The following CRK variants were observed in gnomAD, a reference collection of about 807,000 sequenced individuals.
CRK encodes the protein adapter molecule crk.
A neutral mutation model predicts 29.8 loss-of-function variants in CRK; 4 were observed. That is an observed-to-expected ratio of 0.13 (90% CI 0.07 to 0.31). The LOEUF is 0.31. Among genes scored for constraint, CRK ranks in the 10% least tolerant of loss-of-function variants. The pLI is 1.00. For synonymous variants in CRK, 153 were observed against 164.9 expected (o/e 0.93, Z 0.55); for missense variants, 274 against 396.5 (o/e 0.69, Z 2.62).
chr17:1,449,140 A>G (rs2073999174), intron 1 of CRK, among the ~76,000 whole-genome samples: 1 of 152,150 alleles, frequency 6.6e-6, no homozygotes, highest in Non-Finnish European at 1.5e-5. Flanking sequence ...CCACGCCTTC[A>G]AAATGAAGCA....
At chr17:1,426,977 A>G (rs1367103806) in intron 2 of CRK, among the ~76,000 whole-genome samples, 1 of 136,460 alleles carries the variant, frequency 7.3e-6, no homozygotes, top group Non-Finnish European at 1.5e-5. Context: ...GATTGCAGTG[A>G]GCCAAGATAG....
At chr17:1,449,225 A>C (rs1417058097) in intron 1 of CRK, among the ~76,000 whole-genome samples, 2 of 152,084 alleles carry the variant, frequency 1.3e-5, no homozygotes, top group African/African-American at 4.8e-5. Context: ...TCTTATTTCC[A>C]AGTGCTGGAC....
intron 1 of CRK, among the ~76,000 whole-genome samples, chr17:1,439,327 G>T (rs1186277544): frequency 6.6e-6 from 1 of 152,072 alleles, no homozygotes; most frequent in Admixed American, 6.6e-5. Flanking sequence ...TCGATCTCCT[G>T]ACCTAGTGAT....
chr17:1,428,106 TTTTC>T (rs1161887241), intron 2 of CRK, among the ~76,000 whole-genome samples: 3 of 150,100 alleles, frequency 2.0e-5, no homozygotes, highest in Admixed American at 1.3e-4. Flanking sequence ...CCTCCAGATC[TTTTC>T]TTTCAGACTT....
At chr17:1,436,532 T>A in intron 2 of CRK, 88 bp downstream of exon 2, 6 of 1,390,320 alleles carry the variant, frequency 4.3e-6, no homozygotes, top group Non-Finnish European at 5.8e-6. Flanking sequence ...ATCCCAATGC[T>A]GTAGTCAGCA....
chr17:1,444,100 T>C (rs1181090938), intron 1 of CRK, among the ~76,000 whole-genome samples: 2 of 151,842 alleles, frequency 1.3e-5, no homozygotes, highest in East Asian at 1.9e-4. Context: ...TCCCAAAGTG[T>C]TGGGATTATA....
Position 1,437,147 on chromosome 17 carries a change from G to A in CRK, c.250C>T (p.Pro84Ser). ...TGATCTCCTATTCGGAGTCTGGAGGGGCTCACCCCTGGAAAAAACAGAGCA... is the reference window on the plus strand; with the variant it reads ...TGATCTCCTATTCGGAGTCTGGAGGAGCTCACCCCTGGAAAAAACAGAGCA... Reference protein sequence around the residue: ...SPAQPPPGVSPSRLRIGDQEF... With the variant: ...SPAQPPPGVSSSRLRIGDQEF... Residue 84 changes from proline (P) to serine (S), a missense_variant, in exon 2 of 3, where the codon CCC becomes TCC. Pro to Ser is a moderately conservative substitution (Grantham distance 74, BLOSUM62 -1). Coordinates refer to ENST00000300574, the MANE Select transcript of CRK (RefSeq NM_016823.4). 1 of 1,598,768 alleles carries A rather than the reference G, an allele frequency of 6.3e-7. No homozygotes were observed.
rs532817278 is a variant in CRK, at chr17:1,450,755, G to A, written c.241+5122C>T. 4.0e-5 allele frequency among the ~76,000 whole-genome samples: 6 copies of A among 151,886 alleles called. 1 individual carries two copies. The highest frequency in any genetic ancestry group is 4.1e-4 in the South Asian group (2 of 4,822). ...AAAAAAATTGGCTGGGCATGGTGGCGCATGCCTGTAATCCCAGCTATTTGG... is the reference window on the plus strand; with the variant it reads ...AAAAAAATTGGCTGGGCATGGTGGCACATGCCTGTAATCCCAGCTATTTGG... On this transcript the variant is annotated intron_variant, in intron 1 of 2. Transcript: ENST00000300574.
chr17:1,423,237 G>A lies in CRK; in HGVS notation c.*276C>T, dbSNP rs1472971330. On this transcript the variant is annotated 3_prime_UTR_variant, in exon 3 of 3. Coordinates refer to ENST00000300574, the MANE Select transcript of CRK (RefSeq NM_016823.4). ...GTGATTTGCACTGCCTGAGAGAAAGGAGGCAAGATACCTATCCCTTCTGAT... is the reference window on the plus strand; with the variant it reads ...GTGATTTGCACTGCCTGAGAGAAAGAAGGCAAGATACCTATCCCTTCTGAT... 4.0e-6 allele frequency: 2 copies of A among 504,750 alleles called. No individual in the cohort carries two copies. Among genetic ancestry groups the A allele is most frequent in the Non-Finnish European group, 7.0e-6 (2 of 287,424 alleles). The allele number at this position is 504,750 out of a possible 1,614,324, so 31.3% of individuals were successfully genotyped here. A position where few individuals can be genotyped will look rare whatever the true frequency, so the allele number is the denominator to read the frequency against.
chr17:1,439,296 AC>A (rs1274656962), intron 1 of CRK, among the ~76,000 whole-genome samples: 1 of 151,932 alleles, frequency 6.6e-6, no homozygotes, highest in Non-Finnish European at 1.5e-5. Flanking sequence ...ACGGGGTTTT[AC>A]CGTGTTAGCC....
At chr17:1,445,869 G>C (rs1169964251) in intron 1 of CRK, among the ~76,000 whole-genome samples, 2 of 152,206 alleles carry the variant, frequency 1.3e-5, no homozygotes, top group Non-Finnish European at 2.9e-5. Context: ...ATGCCAAGGT[G>C]TTCTATTAGT....
chr17:1,454,378 G>A (rs986740371), intron 1 of CRK, among the ~76,000 whole-genome samples: 2 of 151,964 alleles, frequency 1.3e-5, no homozygotes, highest in East Asian at 1.9e-4. Context: ...TCGTCTCTAC[G>A]AAAAATACAA....
rs55649851 is a variant in CRK, at chr17:1,428,118, CTT to C, written c.778-4470_778-4469del. Among the ~76,000 whole-genome samples the C allele has an allele frequency of 2.1e-3, 282 of 135,694 alleles. 4 individuals are homozygous for C. In the South Asian group the frequency reaches 0.023, roughly 11 times the overall value. 89.0% of individuals were successfully genotyped at this position (135,694 alleles called of 152,430 possible). A position where few individuals can be genotyped will look rare whatever the true frequency, so the allele number is the denominator to read the frequency against. On this transcript the variant is annotated intron_variant, in intron 2 of 2. Transcript: ENST00000300574. ...GTGCCTCCAGATCTTTTCTTTCAGA[CTT>C]TTTTTTTTTTTTTTTTAATGGAGTT... is the stretch of plus-strand genomic sequence containing the variant.
At chr17:1,444,436 G>T (rs952057912) in intron 1 of CRK, among the ~76,000 whole-genome samples, 2 of 152,140 alleles carry the variant, frequency 1.3e-5, no homozygotes, top group African/African-American at 2.4e-5. Context: ...GGCTGAGGTG[G>T]ATTGCTTGAA....
intron 1 of CRK, among the ~76,000 whole-genome samples, chr17:1,442,091 C>T (rs934286639): frequency 1.3e-5 from 2 of 151,386 alleles, no homozygotes. Context: ...TCCTGAGCTC[C>T]AGAGATCCAC....
At chr17:1,430,192 G>A (rs894294546) in intron 2 of CRK, among the ~76,000 whole-genome samples, 3 of 150,102 alleles carry the variant, frequency 2.0e-5, no homozygotes, top group African/African-American at 7.4e-5. Context: ...TTACAGGCGT[G>A]TGCCCCCACG....
chr17:1,425,777 T>C (rs1015684720), intron 2 of CRK, among the ~76,000 whole-genome samples: 2 of 152,176 alleles, frequency 1.3e-5, no homozygotes, highest in African/African-American at 4.8e-5. Context: ...TGTTGTTTCC[T>C]GAAGAACTCT....
intron 1 of CRK, among the ~76,000 whole-genome samples, chr17:1,438,168 C>T (rs920283704): frequency 6.6e-6 from 1 of 152,042 alleles, no homozygotes; most frequent in African/African-American, 2.4e-5. Flanking sequence ...CTCGCTGTGT[C>T]GCTCAAGCTG....
intron 1 of CRK, among the ~76,000 whole-genome samples, chr17:1,439,301 G>T (rs1217369053): frequency 1.3e-5 from 2 of 152,070 alleles, no homozygotes; most frequent in East Asian, 3.9e-4. Flanking sequence ...GTTTTACCGT[G>T]TTAGCCAGGA....
Sources: allele counts gnomAD v4.1 joint callset (sites outside exome capture counted in the v4.1 genomes callset), GRCh38; gene constraint gnomAD v4.1.1; transcripts MANE v1.5; gene names NCBI Gene and HGNC (gene_info 2026-07-23, HGNC 2026-07-21).